The following MRRF variants were observed in gnomAD, a reference collection of about 807,000 sequenced individuals.
MRRF encodes the protein mitochondrial ribosome recycling factor, also known as ribosome-recycling factor, mitochondrial.
In MRRF, 18 loss-of-function variants were observed where a neutral mutation model predicts 25.1. The observed-to-expected ratio is 0.72, with a 90% CI of 0.50 to 1.06. MRRF has a LOEUF of 1.06. Among genes scored for constraint, MRRF ranks in the 50% least tolerant of loss-of-function variants. MRRF has a pLI of 0.00. For missense variants in MRRF, 323 were observed against 319.3 expected (o/e 1.01, Z -0.09); for synonymous variants, 113 against 112.1 (o/e 1.01, Z -0.05).
chr9:122,269,098 G>A (rs920210419), intron 1 of MRRF, among the ~76,000 whole-genome samples: 17 of 151,664 alleles, frequency 1.1e-4, no homozygotes, highest in South Asian at 2.1e-4. Flanking sequence ...CCCGGGAGGC[G>A]GAGCTTGCAG....
At chr9:122,321,513 C>T (rs1479200958) in intron 6 of MRRF, among the ~76,000 whole-genome samples, 1 of 152,014 alleles carries the variant, frequency 6.6e-6, no homozygotes, top group African/African-American at 2.4e-5. Context: ...GTGATAATTT[C>T]CCAGTTGAGA....
At chr9:122,292,318 G>A (rs993835182) in intron 5 of MRRF, among the ~76,000 whole-genome samples, 1 of 152,092 alleles carries the variant, frequency 6.6e-6, no homozygotes, top group Non-Finnish European at 1.5e-5. Context: ...AAGCAGAAAG[G>A]CCTCCAGTTT....
chr9:122,283,691 A>G (rs1395637948), intron 3 of MRRF, among the ~76,000 whole-genome samples: 1 of 152,182 alleles, frequency 6.6e-6, no homozygotes, highest in Admixed American at 6.5e-5. Context: ...TATTGCCAGG[A>G]CAACTCCAAT....
In MRRF at chr9:122,291,847, T is replaced by C. The variant is rs749072020; in HGVS notation, c.551+7T>C. ...TTCGGGTACCCATTCCCCAGTAAGT[T>C]TGGCTGAAATTCACATATTTTGATG... On this transcript the variant is annotated splice_region_variant and intron_variant, in intron 5 of 6. Coordinates refer to ENST00000344641, the MANE Select transcript of MRRF (RefSeq NM_138777.5). The C allele has an allele frequency of 1.9e-6, 3 of 1,603,630 alleles. No homozygotes were observed. Among genetic ancestry groups the C allele is most frequent in the Non-Finnish European group, 1.7e-6 (2 of 1,170,386 alleles).
chr9:122,280,939 A>G (rs992456167), intron 3 of MRRF, among the ~76,000 whole-genome samples: 3 of 152,188 alleles, frequency 2.0e-5, no homozygotes, highest in African/African-American at 4.8e-5. Flanking sequence ...GCTATCATGG[A>G]ATTAGACTCT....
intron 1 of MRRF, among the ~76,000 whole-genome samples, chr9:122,267,069 CAAA>C (rs755642170): frequency 7.7e-5 from 6 of 77,478 alleles, no homozygotes; most frequent in Non-Finnish European, 1.0e-4. Flanking sequence ...GACTCCGTCT[CAAA>C]AAAAAAAAAA....
chr9:122,285,803 C>A (rs963692901), intron 4 of MRRF: 1 of 1,281,346 alleles, frequency 7.8e-7, no homozygotes, highest in Admixed American at 2.8e-5. Context: ...TAAAACAATA[C>A]TTTAATGGGC....
rs1168962496 is a variant in MRRF, at chr9:122,280,582, T to C, written c.324T>C (p.Asn108=). The stretch of plus-strand genomic sequence containing the variant: ...AGGATAATTTCAATAAGACTCTCAA[T>C]ATAAGGACCTCACCAGGTTAGTGAC... ...ALKDNFNKTL[N]IRTSPGSLDK... Residue 108 remains asparagine (N), a synonymous_variant, in exon 3 of 7, where the codon AAT becomes AAC. Transcript: ENST00000344641. The C allele has an allele frequency of 6.2e-7, 1 of 1,613,944 alleles. No individual in the cohort carries two copies. The highest frequency in any genetic ancestry group is 1.1e-5 in the South Asian group (1 of 91,076).
At chr9:122,265,882 G>T in intron 1 of MRRF, 1 of 582,538 alleles carries the variant, frequency 1.7e-6, no homozygotes, top group Non-Finnish European at 2.9e-6. Flanking sequence ...GGTGCATAAT[G>T]ATTCTGTGTA....
At position 122,274,863 on chromosome 9, in the gene MRRF, ATC is replaced by A. The variant is rs564196819; in HGVS notation, c.184+3794_184+3795del. Among the ~76,000 whole-genome samples the A allele has an allele frequency of 3.7e-4, 56 of 150,582 alleles. 1 individual carries two copies. Among genetic ancestry groups the A allele is most frequent in the South Asian group, 2.7e-3 (13 of 4,764 alleles). Reference sequence around the variant, plus strand: ...TTTTAAAAGAGTCTTTAATTTTTTGATCTCTCTTTTTTGCAATTTTATGATTT... The same window carrying A: ...TTTTAAAAGAGTCTTTAATTTTTTGATCTCTTTTTTGCAATTTTATGATTT... On this transcript the variant is annotated intron_variant, in intron 2 of 6. Transcript: ENST00000344641.
At chr9:122,286,293 G>C in intron 4 of MRRF, 1 of 947,852 alleles carries the variant, frequency 1.1e-6, no homozygotes, top group Non-Finnish European at 1.4e-6. Flanking sequence ...CCCTTGCTGT[G>C]AACACACTGT....
chr9:122,322,519 T>C, intron 6 of MRRF, 21 bp from the exon 7 acceptor site: 1 of 1,612,016 alleles, frequency 6.2e-7, no homozygotes. Context: ...AATCAGGCTG[T>C]CTCATTTTGT....
chr9:122,279,491 G>A (rs1264367708), intron 2 of MRRF, among the ~76,000 whole-genome samples: 1 of 152,144 alleles, frequency 6.6e-6, no homozygotes, highest in Non-Finnish European at 1.5e-5. Flanking sequence ...TTTATTTAAT[G>A]AATCTCAATA....
chr9:122,307,909 T>C (rs573806971), intron 5 of MRRF, among the ~76,000 whole-genome samples: 202 of 152,350 alleles, frequency 1.3e-3, no homozygotes, highest in Non-Finnish European at 1.8e-3. Context: ...TCCTCTGATA[T>C]GCACCTGGTG....
Position 122,326,546 on chromosome 9 carries a change from G to C in MRRF, c.*3929G>C, listed in dbSNP as rs922384402. The C allele has an allele frequency of 6.6e-6, 1 of 152,084 alleles. No homozygotes were observed. The highest frequency in any genetic ancestry group is 1.5e-5 in the Non-Finnish European group (1 of 68,034). The allele number at this position is 152,084 out of a possible 1,614,324, so 9.4% of individuals were successfully genotyped here. ...CAATTTATTATTTCATTGTGATACA[G>C]TATTCCATAATATGGGTCTACCATA... is the stretch of plus-strand genomic sequence containing the variant. On this transcript the variant is annotated 3_prime_UTR_variant, in exon 7 of 7. Transcript: ENST00000344641.
Position 122,327,632 on chromosome 9 carries a change from C to T in MRRF, c.*5015C>T, listed in dbSNP as rs1441600279. 1 of 152,172 alleles carries T rather than the reference C, an allele frequency of 6.6e-6. No individual in the cohort carries two copies. Among genetic ancestry groups the T allele is most frequent in the African/African-American group, 2.4e-5 (1 of 41,444 alleles). 9.4% of individuals were successfully genotyped at this position (152,172 alleles called of 1,614,324 possible). ...TTTCAGACCCCTGCTATTAACATTT[C>T]TGTTCCTTCTTGCATTTTCTGCTTT... On this transcript the variant is annotated 3_prime_UTR_variant, in exon 7 of 7. Coordinates refer to ENST00000344641, the MANE Select transcript of MRRF (RefSeq NM_138777.5).
intron 2 of MRRF, among the ~76,000 whole-genome samples, chr9:122,279,655 T>C (rs2118676004): frequency 6.6e-6 from 1 of 152,304 alleles, no homozygotes; most frequent in South Asian, 2.1e-4. Flanking sequence ...ATATGAAAAA[T>C]CACTACGATG....
rs1186340921 is a variant in MRRF, at chr9:122,323,284, C to T, written c.*667C>T. 1 of 157,342 alleles carries T rather than the reference C, an allele frequency of 6.4e-6. No homozygotes were observed. The highest frequency in any genetic ancestry group is 1.4e-5 in the Non-Finnish European group (1 of 70,834). The allele number at this position is 157,342 out of a possible 1,614,324, so 9.7% of individuals were successfully genotyped here. ...CCTCTGGGAAGTCTTCTTTTCCCCT[C>T]TAACCTAGGACCCTCATTACCGGCT... On this transcript the variant is annotated 3_prime_UTR_variant, in exon 7 of 7. Transcript: ENST00000344641.
At chr9:122,305,497 T>C (rs1335231774) in intron 5 of MRRF, among the ~76,000 whole-genome samples, 2 of 151,972 alleles carry the variant, frequency 1.3e-5, no homozygotes, top group East Asian at 3.9e-4. Flanking sequence ...ATCCAGGTAC[T>C]AATACCACTA....
Sources: allele counts gnomAD v4.1 joint callset (sites outside exome capture counted in the v4.1 genomes callset), GRCh38; gene constraint gnomAD v4.1.1; transcripts MANE v1.5; gene names NCBI Gene and HGNC (gene_info 2026-07-23, HGNC 2026-07-21).